ARHGAP12: variants seen among roughly 807,000 people sequenced by gnomAD.
ARHGAP12 encodes Rho GTPase activating protein 12.
In ARHGAP12, 64 loss-of-function variants were observed where a neutral mutation model predicts 108.6. The ratio of observed to expected loss-of-function variants is 0.59; its 90% CI spans 0.48 to 0.73. The LOEUF (loss-of-function observed/expected upper bound fraction) is 0.73, where lower values mean the gene tolerates loss of function less well. Among genes scored for constraint, ARHGAP12 ranks in the 30% least tolerant of loss-of-function variants. The probability of loss-of-function intolerance (pLI) is 0.00; values close to 1 mark genes in which losing one functional copy is unlikely to be tolerated. For synonymous variants in ARHGAP12, 312 were observed against 337.2 expected, an observed-to-expected ratio of 0.93 and a Z score of 0.82; for missense variants, 940 against 1,005.9, an observed-to-expected ratio of 0.93 and a Z score of 0.89.
intron 10 of ARHGAP12, chr10:31,826,801 A>T (rs1835628727): frequency 1.3e-5 from 2 of 156,194 alleles, no homozygotes; most frequent in Admixed American, 6.5e-5. Context: ...CTTTATACAG[A>T]CTGTGTTACA....
chr10:31,816,167 ACG>A (rs1491475877), intron 13 of ARHGAP12, among the ~76,000 whole-genome samples: 1 of 59,702 alleles, frequency 1.7e-5, no homozygotes, highest in African/African-American at 6.2e-5. Flanking sequence ...AAAGAAAGAA[ACG>A]TGTGTGTGTG....
At chr10:31,894,543 G>A (rs559543083) in intron 3 of ARHGAP12, among the ~76,000 whole-genome samples, 3 of 152,158 alleles carry the variant, frequency 2.0e-5, no homozygotes, top group Non-Finnish European at 4.4e-5. Context: ...ACTTACAAGG[G>A]ATGTGAAGGA....
At chr10:31,873,930 C>CGAT (rs1449155191) in intron 3 of ARHGAP12, among the ~76,000 whole-genome samples, 1 of 152,158 alleles carries the variant, frequency 6.6e-6, no homozygotes, top group Non-Finnish European at 1.5e-5. Flanking sequence ...AGGCAACATG[C>CGAT]GATGACCTGG....
rs916558019 is a variant in ARHGAP12, at chr10:31,806,891, T to C, written c.*767A>G. 5 of 152,388 alleles carry C rather than the reference T, an allele frequency of 3.3e-5. No homozygotes were observed. The highest frequency in any genetic ancestry group is 1.2e-4 in the African/African-American group (5 of 41,454). 9.4% of individuals were successfully genotyped at this position (152,388 alleles called of 1,614,324 possible). ...TAGCCTATATTTACATAAAATAATG[T>C]GTGTTTCCACAGGGTCATACCAATA... On this transcript the variant is annotated 3_prime_UTR_variant, in exon 20 of 20. Transcript: ENST00000344936.
chr10:31,877,918 C>G (rs1837796129), intron 3 of ARHGAP12, among the ~76,000 whole-genome samples: 1 of 152,046 alleles, frequency 6.6e-6, no homozygotes, highest in African/African-American at 2.4e-5. Flanking sequence ...GTGGAGAAAC[C>G]CTGTCTCTAC....
intron 13 of ARHGAP12, 115 bp downstream of exon 13, chr10:31,817,673 C>CAT (rs921775069): frequency 1.8e-5 from 11 of 617,068 alleles, no homozygotes; most frequent in Non-Finnish European, 1.6e-5. Flanking sequence ...CTCTGTCAAA[C>CAT]ATATATAAAG....
At chr10:31,910,781 C>G (rs1839310473) in intron 1 of ARHGAP12, among the ~76,000 whole-genome samples, 1 of 152,196 alleles carries the variant, frequency 6.6e-6, no homozygotes, top group Non-Finnish European at 1.5e-5. Context: ...TGCCCTCTCC[C>G]ACTGTACTTC....
chr10:31,835,519 AATT>A (rs1835985113), intron 9 of ARHGAP12, among the ~76,000 whole-genome samples: 1 of 152,206 alleles, frequency 6.6e-6, no homozygotes, highest in African/African-American at 2.4e-5. Context: ...ATAAACTTCA[AATT>A]CTACTAGGTA....
intron 6 of ARHGAP12, among the ~76,000 whole-genome samples, chr10:31,846,164 TACTC>T (rs374680434): frequency 7.9e-5 from 12 of 152,314 alleles, no homozygotes; most frequent in African/African-American, 1.2e-4. Context: ...TACATCCCTT[TACTC>T]ACTCACTCTT....
At chr10:31,918,421 G>T (rs993954300) in intron 1 of ARHGAP12, among the ~76,000 whole-genome samples, 3 of 150,940 alleles carry the variant, frequency 2.0e-5, no homozygotes, top group Non-Finnish European at 4.4e-5. Context: ...TTAAAAAATA[G>T]ACCAAGTACA....
At chr10:31,809,402 G>C in intron 16 of ARHGAP12, 95 bp from the exon 17 acceptor site, 1 of 1,140,620 alleles carries the variant, frequency 8.8e-7, no homozygotes, top group Non-Finnish European at 1.3e-6. Flanking sequence ...CCACTCATTT[G>C]CATTAGCCTA....
At chr10:31,815,252 T>C (rs1425606111) in intron 13 of ARHGAP12, among the ~76,000 whole-genome samples, 1 of 152,174 alleles carries the variant, frequency 6.6e-6, no homozygotes, top group Non-Finnish European at 1.5e-5. Flanking sequence ...TGCCTTCACA[T>C]GGAGATCTTT....
chr10:31,837,921 G>A (rs190298367), intron 9 of ARHGAP12, among the ~76,000 whole-genome samples: 185 of 152,272 alleles, frequency 1.2e-3, no homozygotes, highest in African/African-American at 4.3e-3. Flanking sequence ...AGGTAATGGG[G>A]TAACTCTGTT....
At chr10:31,886,456 C>T (rs973499885) in intron 3 of ARHGAP12, among the ~76,000 whole-genome samples, 18 of 151,996 alleles carry the variant, frequency 1.2e-4, no homozygotes, top group Non-Finnish European at 2.4e-4. Flanking sequence ...AAATATAACA[C>T]CTAAGATTTT....
In ARHGAP12 at chr10:31,928,669, G is replaced by A. The variant is rs1005092861; in HGVS notation, c.-111+14C>T. 3 of 152,390 alleles carry A rather than the reference G, an allele frequency of 2.0e-5. No individual in the cohort carries two copies. Among genetic ancestry groups the A allele is most frequent in the African/African-American group, 7.2e-5 (3 of 41,404 alleles). 9.4% of individuals were successfully genotyped at this position (152,390 alleles called of 1,614,324 possible). A position where few individuals can be genotyped will look rare whatever the true frequency, so the allele number is the denominator to read the frequency against. On this transcript the variant is annotated intron_variant, in intron 1 of 19. Coordinates refer to ENST00000344936, the MANE Select transcript of ARHGAP12 (RefSeq NM_018287.7). The stretch of plus-strand genomic sequence containing the variant: ...CTGCCCTCCGTCCGCCAGGACCCGC[G>A]CCCTGCACCTCACCGGGAGCCCGGC...
At chr10:31,900,206 G>GT (rs1380412495) in intron 3 of ARHGAP12, among the ~76,000 whole-genome samples, 1 of 152,138 alleles carries the variant, frequency 6.6e-6, no homozygotes, top group Non-Finnish European at 1.5e-5. Context: ...CAAAAAACTA[G>GT]TAATACCAAA....
intron 4 of ARHGAP12, 92 bp downstream of exon 4, chr10:31,861,303 C>A (rs1162737119): frequency 1.4e-5 from 20 of 1,428,238 alleles, no homozygotes; most frequent in Non-Finnish European, 1.8e-5. Flanking sequence ...AACATGCTGA[C>A]AGTAAGAAAC....
chr10:31,921,117 C>A lies in ARHGAP12; in HGVS notation c.-111+7566G>T, dbSNP rs997402329. On this transcript the variant is annotated intron_variant, in intron 1 of 19. Transcript: ENST00000344936. ...TTTTGAACTCCTGGTGAGACCCCGT[C>A]TCTACAAAAACTAAAAAAACTAGCC... Among the ~76,000 whole-genome samples the A allele has an allele frequency of 2.6e-5, 4 of 151,830 alleles. No homozygotes were observed. In the South Asian group the frequency reaches 6.2e-4, roughly 24 times the overall value.
chr10:31,832,168 C>T (rs1330606284), intron 9 of ARHGAP12, among the ~76,000 whole-genome samples: 8 of 152,116 alleles, frequency 5.3e-5, no homozygotes, highest in Non-Finnish European at 1.2e-4. Context: ...GAATGATTTA[C>T]TTTGCTGTTA....
Sources: gnomAD v4.1 joint callset for allele counts (sites outside exome capture counted in the v4.1 genomes callset) on GRCh38, gnomAD v4.1.1 for gene constraint, MANE v1.5 for transcripts, NCBI Gene and HGNC (gene_info 2026-07-23, HGNC 2026-07-21) for gene names.